TRAM2: variants seen among roughly 807,000 people sequenced by gnomAD.
TRAM2 encodes translocation associated membrane protein 2.
TRAM2 carries 12 observed loss-of-function variants against 51.0 expected under a neutral mutation model. The observed-to-expected ratio is 0.24, with a 90% CI of 0.15 to 0.38. The LOEUF is 0.38. TRAM2 is among the 10% of genes least tolerant of loss of function. The probability of loss-of-function intolerance (pLI) is 1.00; values close to 1 mark genes in which losing one functional copy is unlikely to be tolerated. For missense variants in TRAM2, 361 were observed against 462.0 expected, an observed-to-expected ratio of 0.78 and a Z score of 2.00; for synonymous variants, 175 against 179.4, an observed-to-expected ratio of 0.98 and a Z score of 0.20.
chr6:52,514,848 T>G (rs1212093644), intron 4 of TRAM2, among the ~76,000 whole-genome samples: 1 of 152,224 alleles, frequency 6.6e-6, no homozygotes, highest in Non-Finnish European at 1.5e-5. Context: ...TAGGGACTTG[T>G]GTGCATGGCA....
In TRAM2 at chr6:52,502,010, G is replaced by C. The variant is rs13192439; in HGVS notation, c.*1187C>G. ...CTACCCAGAGAGTGACTCTCAGTCAGTCATGGTTTCATGCAGTCTAAAATG... is the reference window on the plus strand; with the variant it reads ...CTACCCAGAGAGTGACTCTCAGTCACTCATGGTTTCATGCAGTCTAAAATG... On this transcript the variant is annotated 3_prime_UTR_variant, in exon 11 of 11. Coordinates refer to ENST00000182527, the MANE Select transcript of TRAM2 (RefSeq NM_012288.4). The C allele has an allele frequency of 0.13, 20,025 of 152,214 alleles. 1,515 individuals carry two copies. Among genetic ancestry groups the C allele is most frequent in the Non-Finnish European group, 0.17 (11,507 of 67,990 alleles). The allele number at this position is 152,214 out of a possible 1,614,324, so 9.4% of individuals were successfully genotyped here.
chr6:52,504,441 AG>A (rs3842510), intron 10 of TRAM2, 149 bp downstream of exon 10: 322,042 of 1,401,452 alleles, frequency 0.23, 39,491 homozygotes, highest in Non-Finnish European at 0.25. Flanking sequence ...TCAGGGAGCT[AG>A]GAGCCCCAGC....
intron 1 of TRAM2, among the ~76,000 whole-genome samples, chr6:52,560,540 T>C (rs1264145513): frequency 6.6e-6 from 1 of 152,258 alleles, no homozygotes; most frequent in Non-Finnish European, 1.5e-5. Context: ...TACCACAATT[T>C]ACCTAATCTG....
intron 2 of TRAM2, among the ~76,000 whole-genome samples, chr6:52,528,914 C>T (rs140091357): frequency 0.041 from 5,770 of 141,002 alleles, 383 homozygotes; most frequent in African/African-American, 0.14. Context: ...TTTTTGAGAC[C>T]GAGTCTCGCT....
intron 2 of TRAM2, among the ~76,000 whole-genome samples, chr6:52,531,067 C>T (rs1766881263): frequency 7.6e-6 from 1 of 131,202 alleles, no homozygotes; most frequent in South Asian, 2.5e-4. Context: ...GTTGAGCAAG[C>T]TATACACTAC....
intron 4 of TRAM2, among the ~76,000 whole-genome samples, chr6:52,512,433 T>C (rs1766467622): frequency 6.6e-6 from 1 of 152,164 alleles, no homozygotes; most frequent in African/African-American, 2.4e-5. Flanking sequence ...AATGACTCAC[T>C]GCTCTGAGAA....
chr6:52,501,938 G>A lies in TRAM2; in HGVS notation c.*1259C>T, dbSNP rs1271696187. The A allele has an allele frequency of 2.0e-5, 3 of 152,264 alleles. No individual in the cohort carries two copies. The highest frequency in any genetic ancestry group is 4.4e-5 in the Non-Finnish European group (3 of 68,070). The allele number at this position is 152,264 out of a possible 1,614,324, so 9.4% of individuals were successfully genotyped here. On this transcript the variant is annotated 3_prime_UTR_variant, in exon 11 of 11. Transcript: ENST00000182527. ...GGAGGCCTTCTCTTCAGGTGGAGGG[G>A]AGGGGAAAGAATCTGTGAGGGAAGG...
intron 7 of TRAM2, among the ~76,000 whole-genome samples, chr6:52,506,889 G>A (rs1053436489): frequency 1.3e-5 from 2 of 152,168 alleles, no homozygotes; most frequent in African/African-American, 4.8e-5. Context: ...GGATTTCCAG[G>A]CACCTCGGCA....
At chr6:52,552,099 C>A (rs568966224) in intron 1 of TRAM2, among the ~76,000 whole-genome samples, 2 of 152,388 alleles carry the variant, frequency 1.3e-5, no homozygotes, top group East Asian at 3.9e-4. Context: ...CAAGCAGGCC[C>A]TGGGCCACAT....
At chr6:52,533,060 A>G (rs1200337913) in intron 2 of TRAM2, among the ~76,000 whole-genome samples, 2 of 149,836 alleles carry the variant, frequency 1.3e-5, no homozygotes, top group Non-Finnish European at 3.0e-5. Flanking sequence ...ATTCACAGAG[A>G]CAGAAAATGG....
chr6:52,522,619 C>T (rs375577804), intron 2 of TRAM2, among the ~76,000 whole-genome samples: 5 of 152,200 alleles, frequency 3.3e-5, no homozygotes, highest in South Asian at 2.1e-4. Context: ...CGCCAATATG[C>T]TCTAGTGTAG....
chr6:52,545,357 T>G (rs1180619512), intron 1 of TRAM2, among the ~76,000 whole-genome samples: 1 of 152,152 alleles, frequency 6.6e-6, no homozygotes, highest in African/African-American at 2.4e-5. Context: ...GCCCATTAAG[T>G]AAGTCTCTTT....
At chr6:52,553,736 G>C (rs913724564) in intron 1 of TRAM2, among the ~76,000 whole-genome samples, 1 of 152,294 alleles carries the variant, frequency 6.6e-6, no homozygotes, top group Middle Eastern at 3.4e-3. Context: ...CTCTGAAATG[G>C]AGTTGTTCAG....
chr6:52,576,091 C>T (rs752379049), intron 1 of TRAM2, among the ~76,000 whole-genome samples: 58 of 152,282 alleles, frequency 3.8e-4, no homozygotes, highest in Non-Finnish European at 7.9e-4. Flanking sequence ...TGGAGGGTAT[C>T]CCTGTCTCTC....
At chr6:52,507,411 C>A in intron 7 of TRAM2, 142 bp downstream of exon 7, 1 of 763,474 alleles carries the variant, frequency 1.3e-6, no homozygotes, top group Non-Finnish European at 2.1e-6. Context: ...TCTTCCATTA[C>A]CATCTTTGTA....
chr6:52,503,914 C>T lies in TRAM2; in HGVS notation c.1040-644G>A, dbSNP rs761342144. Among the ~76,000 whole-genome samples, 15 of 152,336 alleles carry T rather than the reference C, an allele frequency of 9.8e-5. No homozygotes were observed. In the Middle Eastern group the frequency reaches 0.017, roughly 173 times the overall value. ...ACTCTGTGACACACCCAGCTGCGCG[C>T]GTGTCTGGTTCAAACACACATAAGC... On this transcript the variant is annotated intron_variant, in intron 10 of 10. Coordinates refer to ENST00000182527, the MANE Select transcript of TRAM2 (RefSeq NM_012288.4).
chr6:52,558,314 G>A (rs1260666049), intron 1 of TRAM2, among the ~76,000 whole-genome samples: 1 of 152,066 alleles, frequency 6.6e-6, no homozygotes, highest in Non-Finnish European at 1.5e-5. Context: ...AGCCCCCCAC[G>A]TCCAGTCCCA....
chr6:52,547,433 T>A (rs1015638167), intron 1 of TRAM2, among the ~76,000 whole-genome samples: 4 of 152,194 alleles, frequency 2.6e-5, no homozygotes, highest in African/African-American at 9.7e-5. Context: ...ACACCTTGTC[T>A]TGATACACAC....
intron 1 of TRAM2, among the ~76,000 whole-genome samples, chr6:52,570,379 G>A (rs1253762534): frequency 1.3e-5 from 2 of 152,106 alleles, no homozygotes; most frequent in Non-Finnish European, 2.9e-5. Context: ...TTACTTCCAG[G>A]TAATAAACAG....
Sources: allele counts gnomAD v4.1 joint callset (sites outside exome capture counted in the v4.1 genomes callset), GRCh38; gene constraint gnomAD v4.1.1; transcripts MANE v1.5; gene names NCBI Gene and HGNC (gene_info 2026-07-23, HGNC 2026-07-21).